The following PIP5K1B variants were observed in gnomAD, a reference collection of about 807,000 sequenced individuals.
The protein encoded by PIP5K1B is phosphatidylinositol 4-phosphate 5-kinase type-1 beta.
In PIP5K1B, 42 loss-of-function variants were observed where a neutral mutation model predicts 67.0. The observed-to-expected ratio is 0.63, with a 90% CI of 0.49 to 0.81. The LOEUF (loss-of-function observed/expected upper bound fraction) is 0.81. Ranked by LOEUF, PIP5K1B falls within the 30% of genes least tolerant of loss-of-function variation. PIP5K1B has a pLI of 0.00. For missense variants in PIP5K1B, 459 were observed against 646.3 expected (o/e 0.71, Z 3.14); for synonymous variants, 214 against 231.4 (o/e 0.92, Z 0.68).
At chr9:68,858,447 A>C (rs140307574) in intron 4 of PIP5K1B, among the ~76,000 whole-genome samples, 1 of 152,354 alleles carries the variant, frequency 6.6e-6, no homozygotes, top group African/African-American at 2.4e-5. Flanking sequence ...AAAAATGCAC[A>C]CAAGCAAAAA....
chr9:68,744,814 T>G (rs554544040), intron 2 of PIP5K1B, among the ~76,000 whole-genome samples: 15 of 152,260 alleles, frequency 9.9e-5, no homozygotes, highest in Admixed American at 9.8e-4. Flanking sequence ...CCAATTTCCT[T>G]GGTGGGGCTG....
intron 12 of PIP5K1B, among the ~76,000 whole-genome samples, chr9:68,926,849 G>T (rs62566916): frequency 0.095 from 14,382 of 152,166 alleles, 887 homozygotes; most frequent in Non-Finnish European, 0.14. Flanking sequence ...TCAGATACAG[G>T]CATGAGCCAC....
At chr9:68,884,708 A>T (rs1824378672) in intron 6 of PIP5K1B, among the ~76,000 whole-genome samples, 1 of 151,658 alleles carries the variant, frequency 6.6e-6, no homozygotes, top group South Asian at 2.1e-4. Context: ...CAGTAGATAC[A>T]TTAAAAAATG....
chr9:68,729,119 C>G (rs576684788), intron 1 of PIP5K1B, among the ~76,000 whole-genome samples: 7 of 151,962 alleles, frequency 4.6e-5, no homozygotes, highest in Non-Finnish European at 1.0e-4. Context: ...TTTCTTAGCT[C>G]TAAAGTAATA....
At position 68,888,986 on chromosome 9, in the gene PIP5K1B, C is replaced by T; in HGVS notation, c.324C>T (p.Ser108=). ...FGIKPDDYLY[S]ICSEPLIELS... is the part of the protein sequence containing the mutation. ...TTATTCATTTACCCTTTTAGTATTC[C>T]ATCTGCAGTGAACCTCTAATAGAAC... Residue 108 remains serine, a synonymous_variant, in exon 7 of 16, where the codon TCC becomes TCT. Transcript: ENST00000265382. The T allele has an allele frequency of 6.2e-7, 1 of 1,605,172 alleles. No individual in the cohort carries two copies. Among genetic ancestry groups the T allele is most frequent in the Non-Finnish European group, 8.5e-7 (1 of 1,172,404 alleles).
chr9:68,963,120 C>A (rs1185155584), intron 14 of PIP5K1B: 1 of 456,030 alleles, frequency 2.2e-6, no homozygotes, highest in Non-Finnish European at 4.4e-6. Context: ...CCATTCAGAA[C>A]AAGCTACATT....
At chr9:68,923,675 T>C (rs770998673) in intron 12 of PIP5K1B, among the ~76,000 whole-genome samples, 44 of 152,210 alleles carry the variant, frequency 2.9e-4, no homozygotes, top group Non-Finnish European at 7.3e-5. Flanking sequence ...ATAAAAATGA[T>C]GTGTTAGCAC....
intron 14 of PIP5K1B, among the ~76,000 whole-genome samples, chr9:68,955,757 G>A (rs1159856094): frequency 6.6e-6 from 1 of 152,142 alleles, no homozygotes; most frequent in Non-Finnish European, 1.5e-5. Flanking sequence ...TATTTATGTA[G>A]TATTTTACTG....
intron 1 of PIP5K1B, among the ~76,000 whole-genome samples, chr9:68,737,438 T>C (rs866438077): frequency 1.3e-5 from 2 of 152,250 alleles, no homozygotes; most frequent in African/African-American, 4.8e-5. Flanking sequence ...TATGCAGAAC[T>C]ATGTTGCTTT....
At chr9:68,889,734 CAA>C (rs11349016) in intron 7 of PIP5K1B, among the ~76,000 whole-genome samples, 2,439 of 79,704 alleles carry the variant, frequency 0.031, 34 homozygotes, top group African/African-American at 0.1. Flanking sequence ...GACTCCTTCT[CAA>C]AAAAAAAAAA....
intron 15 of PIP5K1B, among the ~76,000 whole-genome samples, chr9:69,007,641 A>AG (rs368563242): frequency 2.6e-5 from 4 of 152,304 alleles, no homozygotes; most frequent in African/African-American, 9.6e-5. Context: ...GCGGATCACT[A>AG]GGTCAGGAGT....
intron 15 of PIP5K1B, among the ~76,000 whole-genome samples, chr9:68,993,453 G>A (rs1237207337): frequency 6.6e-6 from 1 of 152,002 alleles, no homozygotes. Context: ...TAAAACAGCA[G>A]GTCCCCCACC....
chr9:68,861,898 T>TG (rs1434650656), intron 4 of PIP5K1B, among the ~76,000 whole-genome samples: 1 of 135,624 alleles, frequency 7.4e-6, no homozygotes, highest in East Asian at 2.0e-4. Context: ...TTTGTTTGTT[T>TG]TTTGTTTTTT....
At chr9:68,713,394 C>T (rs777109771) in intron 1 of PIP5K1B, among the ~76,000 whole-genome samples, 2 of 151,992 alleles carry the variant, frequency 1.3e-5, no homozygotes, top group Admixed American at 1.3e-4. Flanking sequence ...AGTGAAACTC[C>T]GACTCAAAAG....
At chr9:68,710,381 T>C (rs1041963930) in intron 1 of PIP5K1B, among the ~76,000 whole-genome samples, 1 of 152,218 alleles carries the variant, frequency 6.6e-6, no homozygotes, top group Non-Finnish European at 1.5e-5. Context: ...TTATTTTTTT[T>C]CTTTTTAAAA....
At chr9:68,997,464 G>A (rs1439470543) in intron 15 of PIP5K1B, among the ~76,000 whole-genome samples, 1 of 152,154 alleles carries the variant, frequency 6.6e-6, no homozygotes, top group African/African-American at 2.4e-5. Flanking sequence ...TGCTGCTCGG[G>A]TTTTTGGTAG....
intron 9 of PIP5K1B, 68 bp downstream of exon 9, chr9:68,917,827 C>T (rs1429688002): frequency 1.3e-5 from 15 of 1,131,070 alleles, no homozygotes; most frequent in East Asian, 2.4e-5. Flanking sequence ...TAATTATAGA[C>T]AGTCACATTC....
At chr9:68,931,846 A>G (rs1004613931) in intron 12 of PIP5K1B, among the ~76,000 whole-genome samples, 2 of 152,236 alleles carry the variant, frequency 1.3e-5, no homozygotes, top group Admixed American at 1.3e-4. Context: ...TCTGCCACAC[A>G]AAAGGAAGCA....
At chr9:68,888,136 G>A (rs1471403616) in intron 6 of PIP5K1B, among the ~76,000 whole-genome samples, 1 of 152,044 alleles carries the variant, frequency 6.6e-6, no homozygotes, top group Admixed American at 6.5e-5. Context: ...GTGCCACCAC[G>A]CCCGGCCAAT....
Sources: gnomAD v4.1 joint callset for allele counts (sites outside exome capture counted in the v4.1 genomes callset) on GRCh38, gnomAD v4.1.1 for gene constraint, MANE v1.5 for transcripts, NCBI Gene and HGNC (gene_info 2026-07-23, HGNC 2026-07-21) for gene names.